The following SYT1 variants were observed in gnomAD, a reference collection of about 807,000 sequenced individuals.
The protein encoded by SYT1 is synaptotagmin 1, also known as synaptotagmin-1.
SYT1 carries 8 observed loss-of-function variants against 44.8 expected under a neutral mutation model. The observed-to-expected ratio is 0.18, with a 90% CI of 0.10 to 0.32. The LOEUF (loss-of-function observed/expected upper bound fraction) is 0.32, where lower values mean the gene tolerates loss of function less well. SYT1 is among the 10% of genes least tolerant of loss of function. The pLI, the probability that SYT1 is intolerant of heterozygous loss-of-function variation, is 1.00. For synonymous variants in SYT1, 154 were observed against 188.8 expected, an observed-to-expected ratio of 0.82 and a Z score of 1.51; for missense variants, 286 against 509.3, an observed-to-expected ratio of 0.56 and a Z score of 4.22.
chr12:79,311,461 G>A lies in SYT1; in HGVS notation c.810+11910G>A, dbSNP rs867132632. Among the ~76,000 whole-genome samples, 916 of 127,908 alleles carry A rather than the reference G, an allele frequency of 7.2e-3. 5 individuals carry two copies. Among genetic ancestry groups the A allele is most frequent in the African/African-American group, 0.025 (831 of 33,038 alleles). The allele number at this position is 127,908 out of a possible 152,430, so 83.9% of individuals were successfully genotyped here. ...CAACCATTGTGGAAGTCAGTGTGGC[G>A]ATTCCTCAGGGATCTAGAACTAGAA... On this transcript the variant is annotated intron_variant, in intron 8 of 10. Transcript: ENST00000261205.
chr12:79,175,825 G>A (rs886353320), intron 3 of SYT1, among the ~76,000 whole-genome samples: 3 of 151,952 alleles, frequency 2.0e-5, no homozygotes, highest in African/African-American at 7.2e-5. Flanking sequence ...CCAAGAAACT[G>A]TACATTAATA....
At chr12:78,995,166 C>A (rs1473333084) in intron 2 of SYT1, among the ~76,000 whole-genome samples, 1 of 152,162 alleles carries the variant, frequency 6.6e-6, no homozygotes, top group African/African-American at 2.4e-5. Context: ...GAGCTAAATG[C>A]ACAGTGAAGC....
chr12:79,142,879 C>G (rs1042192807), intron 3 of SYT1, among the ~76,000 whole-genome samples: 8 of 152,098 alleles, frequency 5.3e-5, no homozygotes, highest in Non-Finnish European at 1.0e-4. Flanking sequence ...CTGCAGAATG[C>G]TTGGAGGAAT....
At chr12:79,268,363 A>C (rs1388571241) in intron 4 of SYT1, among the ~76,000 whole-genome samples, 1 of 152,238 alleles carries the variant, frequency 6.6e-6, no homozygotes, top group Non-Finnish European at 1.5e-5. Flanking sequence ...ATCAAAATCC[A>C]TTAACCATGG....
At chr12:79,147,022 G>A (rs1240494055) in intron 3 of SYT1, among the ~76,000 whole-genome samples, 1 of 152,058 alleles carries the variant, frequency 6.6e-6, no homozygotes, top group Non-Finnish European at 1.5e-5. Flanking sequence ...TGTATTTTTA[G>A]TAGAGAAGGG....
intron 8 of SYT1, among the ~76,000 whole-genome samples, chr12:79,349,362 G>T (rs1420479783): frequency 6.6e-6 from 1 of 151,722 alleles, no homozygotes; most frequent in Non-Finnish European, 1.5e-5. Flanking sequence ...TTGAGGGGAG[G>T]GATTGGTATT....
intron 3 of SYT1, among the ~76,000 whole-genome samples, chr12:79,166,339 C>G (rs1871222066): frequency 1.3e-5 from 2 of 151,868 alleles, no homozygotes; most frequent in South Asian, 4.1e-4. Context: ...GAATACAATT[C>G]AATAATGAAT....
At chr12:78,898,561 C>T (rs1875487706) in intron 1 of SYT1, among the ~76,000 whole-genome samples, 1 of 152,020 alleles carries the variant, frequency 6.6e-6, no homozygotes, top group Admixed American at 6.6e-5. Flanking sequence ...GACCAACAAT[C>T]CATCAAGAAA....
At chr12:78,963,070 G>C (rs1879595222) in intron 1 of SYT1, among the ~76,000 whole-genome samples, 1 of 151,906 alleles carries the variant, frequency 6.6e-6, no homozygotes. Context: ...TTGACCTTCT[G>C]TGACTGTCTT....
intron 3 of SYT1, among the ~76,000 whole-genome samples, chr12:79,122,794 C>T (rs1005705602): frequency 6.6e-6 from 1 of 152,172 alleles, no homozygotes; most frequent in African/African-American, 2.4e-5. Context: ...ATAATAAATT[C>T]TCAGTTATTT....
intron 9 of SYT1, among the ~76,000 whole-genome samples, chr12:79,419,614 C>T (rs1315720327): frequency 6.6e-6 from 1 of 152,036 alleles, no homozygotes; most frequent in Non-Finnish European, 1.5e-5. Context: ...CTCGGAGTAC[C>T]TCAATTTTTT....
chr12:78,931,389 G>C (rs1234632713), intron 1 of SYT1, among the ~76,000 whole-genome samples: 3 of 114,098 alleles, frequency 2.6e-5, no homozygotes, highest in Non-Finnish European at 3.6e-5. Context: ...AGGAAGGAAG[G>C]AAGGAAGGGA....
chr12:79,178,969 T>TATATCTATATAGATATAG (rs1565840949), intron 3 of SYT1, among the ~76,000 whole-genome samples: 1 of 46,852 alleles, frequency 2.1e-5, no homozygotes, highest in African/African-American at 9.9e-5. Flanking sequence ...TAGATATAGA[T>TATATCTATATAGATATAG]ATATAGATAT....
Position 79,418,433 on chromosome 12 carries a change from T to G in SYT1, c.929-25640T>G, listed in dbSNP as rs570310872. 5.3e-5 allele frequency among the ~76,000 whole-genome samples: 8 copies of G among 152,278 alleles called. No homozygotes were observed. In the East Asian group the frequency reaches 9.7e-4, roughly 18 times the overall value. ...TAGGGGGAGGCTTAAAAGTAATTGA[T>G]TTATGATTCTTTTAACCAACATGTA... On this transcript the variant is annotated intron_variant, in intron 9 of 10. Transcript: ENST00000261205.
intron 3 of SYT1, among the ~76,000 whole-genome samples, chr12:79,051,211 A>T (rs1240859412): frequency 2.0e-5 from 3 of 151,670 alleles, no homozygotes; most frequent in African/African-American, 7.3e-5. Context: ...TATGTAAATT[A>T]TTGTTTGTCT....
intron 3 of SYT1, among the ~76,000 whole-genome samples, chr12:79,216,806 G>A (rs760855391): frequency 3.9e-5 from 6 of 151,962 alleles, no homozygotes; most frequent in African/African-American, 7.2e-5. Context: ...TGTTTCATTA[G>A]CAGCACCTTG....
intron 3 of SYT1, among the ~76,000 whole-genome samples, chr12:79,053,016 C>G (rs1416721751): frequency 6.6e-6 from 1 of 152,046 alleles, no homozygotes; most frequent in East Asian, 1.9e-4. Flanking sequence ...GGTATACACC[C>G]AAAGGATTAT....
At chr12:79,145,749 TTTTG>T (rs1333413347) in intron 3 of SYT1, among the ~76,000 whole-genome samples, 2 of 144,942 alleles carry the variant, frequency 1.4e-5, no homozygotes, top group Non-Finnish European at 1.5e-5. Context: ...TTTTTTTTTT[TTTTG>T]TTTGTTTGTT....
chr12:79,379,950 A>T (rs960948474), intron 9 of SYT1, among the ~76,000 whole-genome samples: 3 of 152,230 alleles, frequency 2.0e-5, no homozygotes, highest in African/African-American at 7.2e-5. Context: ...CCCGAGAGCA[A>T]GCAACTGAAC....
Sources: allele counts gnomAD v4.1 joint callset (sites outside exome capture counted in the v4.1 genomes callset), GRCh38; gene constraint gnomAD v4.1.1; transcripts MANE v1.5; gene names NCBI Gene and HGNC (gene_info 2026-07-23, HGNC 2026-07-21).